The following ANGPT2 variants were observed in gnomAD, a reference collection of about 807,000 sequenced individuals.
ANGPT2 encodes the protein angiopoietin 2.
In ANGPT2, 28 loss-of-function variants were observed where a neutral mutation model predicts 62.9. That is an observed-to-expected ratio of 0.44 (90% CI 0.33 to 0.61). ANGPT2 has a LOEUF of 0.61. ANGPT2 is among the 20% of genes least tolerant of loss of function. The pLI, the probability that ANGPT2 is intolerant of heterozygous loss-of-function variation, is 0.03. For synonymous variants in ANGPT2, 284 were observed against 207.8 expected, an observed-to-expected ratio of 1.37 and a Z score of -3.15; for missense variants, 727 against 594.9, an observed-to-expected ratio of 1.22 and a Z score of -2.31.
chr8:6,553,132 G>T (rs763512353), intron 1 of ANGPT2, among the ~76,000 whole-genome samples: 2 of 152,150 alleles, frequency 1.3e-5, no homozygotes, highest in African/African-American at 4.8e-5. Context: ...AGATTCATCA[G>T]TTGTAACCAG....
chr8:6,549,408 T>C (rs1823195984), intron 1 of ANGPT2, among the ~76,000 whole-genome samples: 2 of 152,170 alleles, frequency 1.3e-5, no homozygotes. Context: ...TAACCCATGG[T>C]GGGTGACAGA....
chr8:6,535,800 C>T (rs1404687300), intron 1 of ANGPT2, among the ~76,000 whole-genome samples: 1 of 151,908 alleles, frequency 6.6e-6, no homozygotes, highest in Non-Finnish European at 1.5e-5. Flanking sequence ...GTAATCCCAG[C>T]ACTTTGGGAG....
chr8:6,556,141 C>T (rs1824574260), intron 1 of ANGPT2, among the ~76,000 whole-genome samples: 1 of 151,990 alleles, frequency 6.6e-6, no homozygotes, highest in Non-Finnish European at 1.5e-5. Flanking sequence ...ACTTCTCAGG[C>T]TCACTTTTTT....
intron 1 of ANGPT2, among the ~76,000 whole-genome samples, chr8:6,545,328 T>G (rs1822378408): frequency 6.6e-6 from 1 of 152,190 alleles, no homozygotes. Context: ...TTAGTATACT[T>G]TATCCATTTC....
intron 1 of ANGPT2, among the ~76,000 whole-genome samples, chr8:6,541,334 A>C (rs930975082): frequency 2.0e-5 from 3 of 152,148 alleles, no homozygotes; most frequent in African/African-American, 7.2e-5. Flanking sequence ...GTGGCTAAAG[A>C]CAGGCTAGTG....
At chr8:6,540,708 A>C (rs1304798634) in intron 1 of ANGPT2, among the ~76,000 whole-genome samples, 1 of 152,262 alleles carries the variant, frequency 6.6e-6, no homozygotes, top group Non-Finnish European at 1.5e-5. Context: ...AGATTCTCAC[A>C]CTGCCTTAGC....
rs545703994 is a variant in ANGPT2 at position 6,530,315 on chromosome 8, C to G, written c.444+2017G>C. On this transcript the variant is annotated intron_variant, in intron 2 of 8. Coordinates refer to ENST00000629816, the MANE Select transcript of ANGPT2 (RefSeq NM_001118887.2). ...CTGAGGTCAGGAGTTCGAGACCAGC[C>G]TGGCCAACGTGGTGAAACCCTGTCT... Among the ~76,000 whole-genome samples the G allele has an allele frequency of 2.0e-5, 3 of 152,158 alleles. 1 individual carries two copies. The highest frequency in any genetic ancestry group is 7.2e-5 in the African/African-American group (3 of 41,546).
chr8:6,513,710 A>AT lies in ANGPT2; in HGVS notation c.1163dup (p.His388GlnfsTer7), dbSNP rs1815667598. ...TGAGTTCTTCACTTGAGAGATAGAA[A>AT]TGTTCATACAATGAGTAAGCCTCAT... is the stretch of plus-strand genomic sequence containing the variant. On this transcript the variant is annotated frameshift_variant, in exon 7 of 9. Transcript: ENST00000629816. LOFTEE classifies it high-confidence loss of function. The AT allele has an allele frequency of 1.2e-6, 2 of 1,613,090 alleles. No homozygotes were observed. Among genetic ancestry groups the AT allele is most frequent in the Non-Finnish European group, 1.7e-6 (2 of 1,179,716 alleles).
At chr8:6,548,372 C>T (rs1255225322) in intron 1 of ANGPT2, among the ~76,000 whole-genome samples, 1 of 152,190 alleles carries the variant, frequency 6.6e-6, no homozygotes, top group Non-Finnish European at 1.5e-5. Context: ...CCATGCTAGC[C>T]TAGGAAATTT....
intron 3 of ANGPT2, among the ~76,000 whole-genome samples, chr8:6,523,636 CT>C (rs1817772410): frequency 6.6e-6 from 1 of 152,130 alleles, no homozygotes; most frequent in Admixed American, 6.5e-5. Context: ...GTGGCCTGGG[CT>C]GTTGTGCAGT....
intron 7 of ANGPT2, among the ~76,000 whole-genome samples, chr8:6,511,899 C>CT (rs34089402): frequency 0.081 from 11,532 of 141,918 alleles, 487 homozygotes; most frequent in African/African-American, 0.098. Flanking sequence ...TTTTGTGCTT[C>CT]TTTTTTTTTT....
At chr8:6,530,482 C>G (rs1048680342) in intron 2 of ANGPT2, among the ~76,000 whole-genome samples, 2 of 142,954 alleles carry the variant, frequency 1.4e-5, no homozygotes. Flanking sequence ...GCACTCCAAC[C>G]TGGGCAATGC....
At chr8:6,553,194 G>A (rs1165376339) in intron 1 of ANGPT2, among the ~76,000 whole-genome samples, 1 of 152,196 alleles carries the variant, frequency 6.6e-6, no homozygotes, top group East Asian at 1.9e-4. Flanking sequence ...CTGTGTGTGT[G>A]CCACGGAGGG....
intron 1 of ANGPT2, among the ~76,000 whole-genome samples, chr8:6,562,286 C>A (rs891770501): frequency 2.0e-5 from 3 of 152,076 alleles, no homozygotes; most frequent in African/African-American, 7.2e-5. Context: ...CAGCTGAGAG[C>A]CTCCCTGGTG....
chr8:6,558,711 G>A (rs559259726), intron 1 of ANGPT2, among the ~76,000 whole-genome samples: 1 of 152,194 alleles, frequency 6.6e-6, no homozygotes, highest in South Asian at 2.1e-4. Context: ...AACTCTGCAA[G>A]CAAACAATCA....
chr8:6,542,324 G>A (rs1563096162), intron 1 of ANGPT2, among the ~76,000 whole-genome samples: 1 of 152,064 alleles, frequency 6.6e-6, no homozygotes, highest in Non-Finnish European at 1.5e-5. Flanking sequence ...CTGTGTGTGT[G>A]TGTATGTATG....
chr8:6,549,462 G>A (rs894039004), intron 1 of ANGPT2, among the ~76,000 whole-genome samples: 1 of 152,226 alleles, frequency 6.6e-6, no homozygotes, highest in Non-Finnish European at 1.5e-5. Flanking sequence ...TATTGACGAG[G>A]AGGGGCCTGA....
intron 1 of ANGPT2, among the ~76,000 whole-genome samples, chr8:6,545,195 G>A (rs1191909590): frequency 6.6e-6 from 1 of 152,136 alleles, no homozygotes; most frequent in Non-Finnish European, 1.5e-5. Flanking sequence ...TTGAGGCTGT[G>A]AACTGAGCAG....
intron 1 of ANGPT2, among the ~76,000 whole-genome samples, chr8:6,559,516 A>G (rs1825185461): frequency 6.6e-6 from 1 of 152,056 alleles, no homozygotes; most frequent in African/African-American, 2.4e-5. Flanking sequence ...ACAAACAAAC[A>G]AAAAACGATG....
Sources: gnomAD v4.1 joint callset for allele counts (sites outside exome capture counted in the v4.1 genomes callset) on GRCh38, gnomAD v4.1.1 for gene constraint, MANE v1.5 for transcripts, NCBI Gene and HGNC (gene_info 2026-07-23, HGNC 2026-07-21) for gene names.